Variants in CPQ observed in about 807,000 individuals in gnomAD.
The protein encoded by CPQ is Ser-Met dipeptidase.
A neutral mutation model predicts 45.7 loss-of-function variants in CPQ; 37 were observed. That is an observed-to-expected ratio of 0.81 (90% CI 0.62 to 1.07). CPQ has a LOEUF of 1.07. CPQ is among the 50% of genes least tolerant of loss of function. The pLI, the probability that CPQ is intolerant of heterozygous loss-of-function variation, is 0.00. For synonymous variants in CPQ, 186 were observed against 205.8 expected, an observed-to-expected ratio of 0.90 and a Z score of 0.82; for missense variants, 537 against 572.9, an observed-to-expected ratio of 0.94 and a Z score of 0.64.
At chr8:97,000,739 T>C (rs1215644644) in intron 5 of CPQ, among the ~76,000 whole-genome samples, 3 of 152,188 alleles carry the variant, frequency 2.0e-5, no homozygotes, top group Non-Finnish European at 4.4e-5. Flanking sequence ...TTTGGTTCCA[T>C]GTGAATTTTA....
intron 1 of CPQ, among the ~76,000 whole-genome samples, chr8:96,681,912 C>T (rs1339322623): frequency 6.6e-6 from 1 of 152,148 alleles, no homozygotes; most frequent in East Asian, 1.9e-4. Flanking sequence ...GGGCCTGCAG[C>T]TTCTTTGTTT....
chr8:96,689,980 A>C (rs186319910), intron 1 of CPQ, among the ~76,000 whole-genome samples: 8 of 152,244 alleles, frequency 5.3e-5, no homozygotes, highest in African/African-American at 1.9e-4. Flanking sequence ...GATTGTCTCC[A>C]ATATGACCTT....
Position 96,771,829 on chromosome 8 carries a change from A to G in CPQ, c.-34-13035A>G, listed in dbSNP as rs557085700. 7.2e-5 allele frequency among the ~76,000 whole-genome samples: 11 copies of G among 152,110 alleles called. No homozygotes were observed. In the East Asian group the frequency reaches 1.9e-3, roughly 27 times the overall value. On this transcript the variant is annotated intron_variant, in intron 1 of 7. Transcript: ENST00000220763. ...GCCTTTCAAAACTAATTCAGGTATC[A>G]CCTCCTATATTGCCTGCCTATGTTC... is the stretch of plus-strand genomic sequence containing the variant.
chr8:96,986,831 C>A (rs1808991774), intron 5 of CPQ, among the ~76,000 whole-genome samples: 1 of 152,068 alleles, frequency 6.6e-6, no homozygotes, highest in South Asian at 2.1e-4. Flanking sequence ...TCTGATATAC[C>A]CCTATGTACT....
chr8:96,839,892 T>C (rs911476954), intron 3 of CPQ, among the ~76,000 whole-genome samples: 3 of 152,226 alleles, frequency 2.0e-5, no homozygotes, highest in African/African-American at 7.2e-5. Context: ...TGTAACCCAA[T>C]AGAAGTAGAT....
At chr8:97,000,783 A>G (rs994096149) in intron 5 of CPQ, among the ~76,000 whole-genome samples, 3 of 152,058 alleles carry the variant, frequency 2.0e-5, no homozygotes, top group East Asian at 1.9e-4. Context: ...AAGAATGTCA[A>G]TGGTAGTTTA....
intron 6 of CPQ, among the ~76,000 whole-genome samples, chr8:97,044,824 T>C (rs1305732307): frequency 1.3e-5 from 2 of 152,252 alleles, no homozygotes; most frequent in South Asian, 2.1e-4. Flanking sequence ...CGAATGCTGC[T>C]GTCTGATCCT....
intron 2 of CPQ, among the ~76,000 whole-genome samples, chr8:96,831,712 T>C (rs1389809070): frequency 6.6e-6 from 1 of 152,156 alleles, no homozygotes; most frequent in Non-Finnish European, 1.5e-5. Flanking sequence ...CCACCTTGTC[T>C]GTGACTGCTG....
intron 2 of CPQ, among the ~76,000 whole-genome samples, chr8:96,824,562 T>C (rs1811352969): frequency 6.6e-6 from 1 of 152,052 alleles, no homozygotes; most frequent in African/African-American, 2.4e-5. Flanking sequence ...TTTAAAGTTT[T>C]GGACTCCATG....
At chr8:97,041,396 G>T (rs1197983059) in intron 6 of CPQ, among the ~76,000 whole-genome samples, 4 of 152,106 alleles carry the variant, frequency 2.6e-5, no homozygotes, top group Non-Finnish European at 4.4e-5. Flanking sequence ...TGAGACAATG[G>T]GGTTTTCTAG....
chr8:96,794,415 C>T (rs1300767190), intron 2 of CPQ, among the ~76,000 whole-genome samples: 1 of 152,184 alleles, frequency 6.6e-6, no homozygotes, highest in East Asian at 1.9e-4. Context: ...CACCAATTCC[C>T]TAGATGGCAC....
rs79954610 is a variant in CPQ, at chr8:96,994,275, G to A, written c.961+28229G>A. On this transcript the variant is annotated intron_variant, in intron 5 of 7. Coordinates refer to ENST00000220763, the MANE Select transcript of CPQ (RefSeq NM_016134.4). ...AATACTAGGGCCTGGAAAAATGTTG[G>A]AAGGATTGAGAGAGGGAAGATCAGG... Among the ~76,000 whole-genome samples the A allele has an allele frequency of 3.2e-3, 490 of 152,208 alleles. 5 individuals are homozygous for A. Among genetic ancestry groups the A allele is most frequent in the African/African-American group, 0.011 (474 of 41,532 alleles).
intron 7 of CPQ, among the ~76,000 whole-genome samples, chr8:97,121,867 A>G (rs1811707948): frequency 6.6e-6 from 1 of 152,158 alleles, no homozygotes; most frequent in East Asian, 1.9e-4. Context: ...AAATAAAAAA[A>G]TTCACCTTAT....
intron 5 of CPQ, among the ~76,000 whole-genome samples, chr8:96,978,176 AT>A (rs887690513): frequency 7.9e-5 from 12 of 151,202 alleles, no homozygotes; most frequent in East Asian, 1.9e-4. Context: ...GCAGATACAT[AT>A]TTTTTTTTCT....
intron 1 of CPQ, among the ~76,000 whole-genome samples, chr8:96,778,268 A>G (rs1430196812): frequency 2.0e-5 from 3 of 150,154 alleles, no homozygotes; most frequent in African/African-American, 5.0e-5. Flanking sequence ...CCAAATATAG[A>G]CGATTAGTAA....
At chr8:96,794,369 C>T (rs1810896238) in intron 2 of CPQ, among the ~76,000 whole-genome samples, 1 of 152,186 alleles carries the variant, frequency 6.6e-6, no homozygotes. Context: ...TACATTGGCC[C>T]CTTTCAGCCA....
intron 4 of CPQ, among the ~76,000 whole-genome samples, chr8:96,900,245 C>A (rs752617990): frequency 1.6e-4 from 25 of 152,250 alleles, no homozygotes; most frequent in Non-Finnish European, 2.8e-4. Flanking sequence ...TGTAAGTTAA[C>A]AATGCCCCCA....
intron 5 of CPQ, among the ~76,000 whole-genome samples, chr8:96,973,361 T>G (rs1414810084): frequency 6.6e-6 from 1 of 152,074 alleles, no homozygotes; most frequent in Non-Finnish European, 1.5e-5. Context: ...TCCAAGAAGT[T>G]TGGGATTATG....
chr8:96,715,778 G>A (rs1017234959), intron 1 of CPQ, among the ~76,000 whole-genome samples: 1 of 152,200 alleles, frequency 6.6e-6, no homozygotes, highest in Non-Finnish European at 1.5e-5. Flanking sequence ...TTGATGTGGT[G>A]CAGTCCCCCT....
Sources: gnomAD v4.1 joint callset for allele counts (sites outside exome capture counted in the v4.1 genomes callset) on GRCh38, gnomAD v4.1.1 for gene constraint, MANE v1.5 for transcripts, NCBI Gene and HGNC (gene_info 2026-07-23, HGNC 2026-07-21) for gene names.